The following GRIN3A variants were observed in gnomAD, a reference collection of about 807,000 sequenced individuals.
The protein encoded by GRIN3A is glutamate receptor ionotropic, NMDA 3A.
In GRIN3A, 47 loss-of-function variants were observed where a neutral mutation model predicts 92.4. The ratio of observed to expected loss-of-function variants is 0.51; its 90% confidence interval spans 0.40 to 0.65. The LOEUF is 0.65. GRIN3A is among the 30% of genes least tolerant of loss of function. GRIN3A has a pLI of 0.00. For synonymous variants in GRIN3A, 527 were observed against 540.6 expected (o/e 0.97, Z 0.35); for missense variants, 1,324 against 1,393.1 (o/e 0.95, Z 0.79).
At chr9:101,615,305 C>T (rs1168301226) in intron 5 of GRIN3A, among the ~76,000 whole-genome samples, 15 of 150,080 alleles carry the variant, frequency 1.0e-4, no homozygotes, top group African/African-American at 3.7e-4. Flanking sequence ...TGTCAAGCAT[C>T]CAAAGATACT....
chr9:101,689,090 C>T (rs1406596634), intron 1 of GRIN3A, among the ~76,000 whole-genome samples: 2 of 152,076 alleles, frequency 1.3e-5, no homozygotes, highest in African/African-American at 4.8e-5. Context: ...CTTTTGCCCT[C>T]CTCTTTTAGC....
intron 1 of GRIN3A, among the ~76,000 whole-genome samples, chr9:101,721,538 A>G (rs1830012699): frequency 6.6e-6 from 1 of 152,156 alleles, no homozygotes; most frequent in Admixed American, 6.5e-5. Flanking sequence ...AGGGCTCAGA[A>G]GAAGATAGAA....
At chr9:101,699,357 A>C (rs1829725785) in intron 1 of GRIN3A, among the ~76,000 whole-genome samples, 1 of 152,166 alleles carries the variant, frequency 6.6e-6, no homozygotes, top group Admixed American at 6.5e-5. Flanking sequence ...GACCTGCCTG[A>C]GGTTGTTTCA....
chr9:101,705,693 G>C (rs1299228455), intron 1 of GRIN3A, among the ~76,000 whole-genome samples: 1 of 152,120 alleles, frequency 6.6e-6, no homozygotes, highest in Non-Finnish European at 1.5e-5. Flanking sequence ...CCTGCAAAGG[G>C]GGATCAGAGA....
At chr9:101,647,403 T>C (rs2093682) in intron 3 of GRIN3A, among the ~76,000 whole-genome samples, 16 of 151,986 alleles carry the variant, frequency 1.1e-4, no homozygotes, top group Non-Finnish European at 1.8e-4. Context: ...GATAGCACTT[T>C]GTTGAGGATT....
chr9:101,716,610 C>T (rs747215467), intron 1 of GRIN3A, among the ~76,000 whole-genome samples: 1 of 152,102 alleles, frequency 6.6e-6, no homozygotes. Context: ...TATACTTATT[C>T]TAGCTCTTTC....
chr9:101,588,052 A>T (rs1424330585), intron 6 of GRIN3A, among the ~76,000 whole-genome samples: 3 of 152,204 alleles, frequency 2.0e-5, no homozygotes, highest in African/African-American at 7.2e-5. Flanking sequence ...TAGGAGAATG[A>T]TATCCACATG....
chr9:101,579,227 G>T lies in GRIN3A; in HGVS notation c.2900C>A (p.Ser967Tyr). ...GGTGTGGAGCCAGTATTGCAGCTTG[G>T]ATTTGTTTTTGATTCGTGGTAGCAG... ...RLLLPRIKNKSKLQYWLHTSQ... is the reference protein window; with the variant it reads ...RLLLPRIKNKYKLQYWLHTSQ... Residue 967 changes from serine to tyrosine, a missense_variant, in exon 7 of 9, where the codon TCC (serine) becomes TAC (tyrosine). Coordinates refer to ENST00000361820, the MANE Select transcript of GRIN3A (RefSeq NM_133445.3). 9 of 1,613,934 alleles carry T rather than the reference G, an allele frequency of 5.6e-6. No homozygotes were observed. The East Asian group carries it at 2.0e-4, about 36-fold the overall frequency.
intron 4 of GRIN3A, among the ~76,000 whole-genome samples, chr9:101,624,702 T>A (rs1241269066): frequency 6.6e-6 from 1 of 152,190 alleles, no homozygotes; most frequent in Non-Finnish European, 1.5e-5. Context: ...CATGTGTCTT[T>A]ATAGCAGCAT....
intron 4 of GRIN3A, among the ~76,000 whole-genome samples, chr9:101,623,902 G>A (rs1828592988): frequency 6.6e-6 from 1 of 152,262 alleles, no homozygotes; most frequent in Non-Finnish European, 1.5e-5. Flanking sequence ...GCTAGTAAGT[G>A]TTGGGACTAG....
chr9:101,719,585 C>G (rs755191773), intron 1 of GRIN3A, among the ~76,000 whole-genome samples: 1 of 152,082 alleles, frequency 6.6e-6, no homozygotes, highest in Non-Finnish European at 1.5e-5. Flanking sequence ...AGAGTTACTT[C>G]CCCCTCTCAT....
At position 101,613,462 on chromosome 9, in the gene GRIN3A, A is replaced by G; in HGVS notation, c.2680T>C (p.Tyr894His). 6.2e-7 allele frequency: 1 copy of G among 1,614,168 alleles called. No homozygotes were observed. The highest frequency in any genetic ancestry group is 8.5e-7 in the Non-Finnish European group (1 of 1,180,010). Residue 894 changes from tyrosine (Y) to histidine (H), a missense_variant, in exon 6 of 9, where the codon TAC (tyrosine) becomes CAC (histidine). Physicochemically the swap from Tyr to His is moderately conservative, Grantham distance 83. Transcript: ENST00000361820. Reference protein sequence around the residue: ...TANISELISQYKSHGFMDMLH... With the variant: ...TANISELISQHKSHGFMDMLH... ...ATATCCATAAACCCATGTGACTTGTATTGACTGATTAGCTCGGATATGTTG... is the reference window on the plus strand; with the variant it reads ...ATATCCATAAACCCATGTGACTTGTGTTGACTGATTAGCTCGGATATGTTG...
intron 6 of GRIN3A, among the ~76,000 whole-genome samples, chr9:101,596,051 A>G (rs1828125102): frequency 6.6e-6 from 1 of 152,220 alleles, no homozygotes; most frequent in African/African-American, 2.4e-5. Context: ...TTCAAGAGCA[A>G]ACAGTTCAAA....
Position 101,688,815 on chromosome 9 carries a change from C to T in GRIN3A, c.700-1615G>A, listed in dbSNP as rs186954147. On this transcript the variant is annotated intron_variant, in intron 1 of 8. Transcript: ENST00000361820. ...CCTGGGAGATGGAGGTTGCAGTGAGCCAAAATTGCACCACTGTACTCCAGC... is the reference window on the plus strand; with the variant it reads ...CCTGGGAGATGGAGGTTGCAGTGAGTCAAAATTGCACCACTGTACTCCAGC... 1.2e-3 allele frequency among the ~76,000 whole-genome samples: 179 copies of T among 152,022 alleles called. 1 individual carries two copies. The highest frequency in any genetic ancestry group is 4.0e-3 in the African/African-American group (167 of 41,460).
chr9:101,622,600 A>C (rs1005168024), intron 5 of GRIN3A, among the ~76,000 whole-genome samples: 1 of 152,206 alleles, frequency 6.6e-6, no homozygotes. Context: ...CAAGGATCCC[A>C]AGGTTTTGTT....
intron 2 of GRIN3A, among the ~76,000 whole-genome samples, chr9:101,686,325 T>G (rs986248098): frequency 1.3e-5 from 2 of 152,138 alleles, no homozygotes; most frequent in Non-Finnish European, 2.9e-5. Context: ...TAAATAACTT[T>G]CCAAGAACAC....
intron 6 of GRIN3A, among the ~76,000 whole-genome samples, chr9:101,611,097 CA>C (rs58762561): frequency 0.25 from 25,680 of 104,742 alleles, 2,088 homozygotes; most frequent in East Asian, 0.3. Flanking sequence ...GAGTCTGTCT[CA>C]AAAAAAAAAA....
intron 1 of GRIN3A, among the ~76,000 whole-genome samples, chr9:101,698,917 G>A (rs1048902320): frequency 5.3e-5 from 8 of 152,066 alleles, no homozygotes; most frequent in South Asian, 2.1e-4. Context: ...ATCTGCCCAC[G>A]TTGGTCTCCC....
chr9:101,608,151 C>CTG (rs1033283089), intron 6 of GRIN3A, among the ~76,000 whole-genome samples: 6 of 151,872 alleles, frequency 4.0e-5, no homozygotes, highest in African/African-American at 9.7e-5. Flanking sequence ...AAGAAGAGCT[C>CTG]TGTGTGTGTG....
Sources: gnomAD v4.1 joint callset for allele counts (sites outside exome capture counted in the v4.1 genomes callset) on GRCh38, gnomAD v4.1.1 for gene constraint, MANE v1.5 for transcripts, NCBI Gene and HGNC (gene_info 2026-07-23, HGNC 2026-07-21) for gene names.